Variants in CC2D2A observed in about 807,000 individuals in gnomAD.
The protein encoded by CC2D2A is coiled-coil and C2 domain-containing protein 2A.
Under a neutral mutation model 212.9 loss-of-function variants are expected in CC2D2A, and 155 were observed. The ratio of observed to expected loss-of-function variants is 0.73; its 90% CI spans 0.64 to 0.83. CC2D2A has a LOEUF of 0.83. CC2D2A is among the 40% of genes least tolerant of loss of function. The probability of loss-of-function intolerance (pLI) is 0.00; values close to 1 mark genes in which losing one functional copy is unlikely to be tolerated. For synonymous variants in CC2D2A, 667 were observed against 686.5 expected (o/e 0.97, Z 0.44); for missense variants, 1,856 against 1,956.2 (o/e 0.95, Z 0.97).
intron 11 of CC2D2A, among the ~76,000 whole-genome samples, chr4:15,522,946 C>T (rs913200408): frequency 4.7e-5 from 7 of 150,106 alleles, no homozygotes; most frequent in African/African-American, 7.3e-5. Context: ...TGGTGAAACC[C>T]GTCTCTACTA....
intron 12 of CC2D2A, among the ~76,000 whole-genome samples, 189 bp downstream of exon 12, chr4:15,527,845 C>A (rs767397076): frequency 3.3e-5 from 5 of 152,140 alleles, no homozygotes; most frequent in Admixed American, 6.5e-5. Context: ...GTGATGTGTA[C>A]AAATTTATTG....
At chr4:15,560,648 T>G in intron 23 of CC2D2A, 26 bp downstream of exon 23, 1 of 960,472 alleles carries the variant, frequency 1.0e-6, no homozygotes, top group Non-Finnish European at 1.6e-6. Context: ...GCCATTATTA[T>G]CAATTCTTAT....
chr4:15,585,556 T>C (rs1720824307), intron 30 of CC2D2A, among the ~76,000 whole-genome samples: 1 of 152,218 alleles, frequency 6.6e-6, no homozygotes, highest in African/African-American at 2.4e-5. Context: ...GAATGAGTTC[T>C]GGTGTTCTAT....
chr4:15,477,354 A>T (rs1381685973), intron 2 of CC2D2A, among the ~76,000 whole-genome samples: 1 of 152,066 alleles, frequency 6.6e-6, no homozygotes, highest in Non-Finnish European at 1.5e-5. Flanking sequence ...AACCCACATA[A>T]ATTTATATTT....
chr4:15,479,362 G>A (rs965542583), intron 3 of CC2D2A: 3 of 1,459,608 alleles, frequency 2.1e-6, no homozygotes, highest in Admixed American at 3.9e-5. Context: ...CCTCTGAGAA[G>A]GGAGGCAGGG....
chr4:15,585,929 T>C (rs1720838892), intron 30 of CC2D2A, among the ~76,000 whole-genome samples: 1 of 152,186 alleles, frequency 6.6e-6, no homozygotes, highest in East Asian at 1.9e-4. Context: ...TAAAAAAGAC[T>C]TGTCAAAGGG....
At chr4:15,519,377 C>G (rs1170937267) in intron 11 of CC2D2A, 1 of 415,414 alleles carries the variant, frequency 2.4e-6, no homozygotes, top group East Asian at 7.4e-5. Flanking sequence ...CAAAGCCATT[C>G]AACAAGTCTC....
At chr4:15,500,571 G>A (rs1050310972) in intron 4 of CC2D2A, among the ~76,000 whole-genome samples, 2 of 152,050 alleles carry the variant, frequency 1.3e-5, no homozygotes, top group African/African-American at 4.8e-5. Flanking sequence ...CCTCCATACA[G>A]GCATTAAGTG....
rs199958992 is a variant in CC2D2A, at chr4:15,470,689, CTATATATATATATATA to C, written c.-19+662_-19+677del. Among the ~76,000 whole-genome samples, 446 of 50,528 alleles carry C rather than the reference CTATATATATATATATA, an allele frequency of 8.8e-3. 3 individuals carry two copies. Among genetic ancestry groups the C allele is most frequent in the African/African-American group, 0.024 (264 of 10,842 alleles). 33.1% of individuals were successfully genotyped at this position (50,528 alleles called of 152,430 possible). ...TCTCTCTCTCTCTCTCTCTCTCTCT[CTATATATATATATATA>C]TATATATATATATATATATATATAT... On this transcript the variant is annotated intron_variant, in intron 1 of 36. Transcript: ENST00000424120.
rs577172074 is a variant in CC2D2A, at chr4:15,566,358, T to C, written c.3183-1019T>C. Among the ~76,000 whole-genome samples, 7 of 152,058 alleles carry C rather than the reference T, an allele frequency of 4.6e-5. No homozygotes were observed. The East Asian group carries it at 1.4e-3, about 29-fold the overall frequency. ...GAGTGCAGGTACAAAGAACAGACAG[T>C]GGGGAGAACCTGGACTGGATGGAGA... On this transcript the variant is annotated intron_variant, in intron 24 of 36. Transcript: ENST00000424120.
At chr4:15,576,697 G>T (rs373689360) in intron 29 of CC2D2A, 1 of 152,658 alleles carries the variant, frequency 6.6e-6, no homozygotes, top group East Asian at 1.9e-4. Flanking sequence ...TCTGTCCACT[G>T]CCACCTGAGG....
rs1300773687 is a variant in CC2D2A, at chr4:15,479,276, A to G, written c.123+470A>G. The G allele has an allele frequency of 3.1e-5, 47 of 1,537,204 alleles. No individual in the cohort carries two copies. The East Asian group carries it at 1.1e-3, about 37-fold the overall frequency. On this transcript the variant is annotated intron_variant, in intron 3 of 36. Transcript: ENST00000424120. Reference sequence around the variant, plus strand: ...GGCAGATCCTCCCCCACCTCTCCGCAGGAGTTCCCCTCCTAGGCTGGGAGC... The same window carrying G: ...GGCAGATCCTCCCCCACCTCTCCGCGGGAGTTCCCCTCCTAGGCTGGGAGC...
intron 29 of CC2D2A, among the ~76,000 whole-genome samples, chr4:15,578,804 G>T (rs1382551970): frequency 0.017 from 1,766 of 105,416 alleles, 38 homozygotes; most frequent in African/African-American, 0.054. Flanking sequence ...TTGTTTGTTT[G>T]TTTGTTTGTT....
intron 1 of CC2D2A, among the ~76,000 whole-genome samples, chr4:15,470,691 AT>A (rs1713732953): frequency 3.0e-5 from 1 of 33,218 alleles, no homozygotes; most frequent in Non-Finnish European, 5.2e-5. Context: ...CTCTCTCTCT[AT>A]ATATATATAT....
intron 23 of CC2D2A, among the ~76,000 whole-genome samples, chr4:15,561,216 G>T (rs1040718413): frequency 6.6e-6 from 1 of 152,210 alleles, no homozygotes; most frequent in Non-Finnish European, 1.5e-5. Flanking sequence ...GCTTCAACTA[G>T]GGGTGTGGAT....
chr4:15,596,638 T>C (rs897709993), intron 34 of CC2D2A, among the ~76,000 whole-genome samples: 1 of 152,196 alleles, frequency 6.6e-6, no homozygotes, highest in African/African-American at 2.4e-5. Context: ...TTACTAAAAG[T>C]TTTGTTTCAT....
intron 35 of CC2D2A, 37 bp from the exon 36 acceptor site, chr4:15,599,492 G>C: frequency 7.3e-7 from 1 of 1,368,808 alleles, no homozygotes; most frequent in Non-Finnish European, 9.9e-7. Flanking sequence ...AGGGAAAAGT[G>C]AGTCACCAAA....
chr4:15,588,390 A>G (rs1281937367), intron 32 of CC2D2A, among the ~76,000 whole-genome samples: 1 of 152,230 alleles, frequency 6.6e-6, no homozygotes, highest in Non-Finnish European at 1.5e-5. Flanking sequence ...AAGCCAGATA[A>G]GGAGGAATGA....
In CC2D2A at chr4:15,518,763, A is replaced by G. The variant is rs543742288; in HGVS notation, c.1149+2007A>G. ...CAGGACTTGGGCTTGCACCCTCTAA[A>G]GCCATGGCCCGAGTTGTACCTTGGC... is the stretch of plus-strand genomic sequence containing the variant. On this transcript the variant is annotated intron_variant, in intron 11 of 36. Transcript: ENST00000424120. Among the ~76,000 whole-genome samples the G allele has an allele frequency of 5.3e-5, 8 of 152,322 alleles. No individual in the cohort carries two copies. In the East Asian group the frequency reaches 1.5e-3, roughly 29 times the overall value.
Sources: allele counts gnomAD v4.1 joint callset (sites outside exome capture counted in the v4.1 genomes callset), GRCh38; gene constraint gnomAD v4.1.1; transcripts MANE v1.5; gene names NCBI Gene and HGNC (gene_info 2026-07-23, HGNC 2026-07-21).